MIA2: variants seen among roughly 807,000 people sequenced by gnomAD.
The protein encoded by MIA2 is MIA SH3 domain ER export factor 2, also known as melanoma inhibitory activity protein 2.
In MIA2, 127 loss-of-function variants were observed where a neutral mutation model predicts 167.8. The ratio of observed to expected loss-of-function variants is 0.76; its 90% CI spans 0.66 to 0.88. MIA2 has a LOEUF of 0.88. MIA2 is among the 40% of genes least tolerant of loss of function. The pLI is 0.00. For synonymous variants in MIA2, 552 were observed against 541.9 expected (o/e 1.02, Z -0.26); for missense variants, 1,690 against 1,624.7 (o/e 1.04, Z -0.69).
chr14:39,319,132 G>T, intron 22 of MIA2, 77 bp from the exon 23 acceptor site: 1 of 677,644 alleles, frequency 1.5e-6, no homozygotes, highest in Non-Finnish European at 2.5e-6. Flanking sequence ...AGAGCAGCTT[G>T]TAGTTGGTAG....
At chr14:39,285,482 C>T (rs1464508689) in intron 9 of MIA2, among the ~76,000 whole-genome samples, 1 of 146,846 alleles carries the variant, frequency 6.8e-6, no homozygotes, top group South Asian at 2.1e-4. Flanking sequence ...GCTGACCCCC[C>T]ACCTCCCTCC....
At chr14:39,353,810 C>G (rs138039668), downstream of MIA2, among the ~76,000 whole-genome samples, 1 of 152,014 alleles carries the variant, frequency 6.6e-6, no homozygotes, top group South Asian at 2.1e-4. Flanking sequence ...TGAGAATATG[C>G]GGTGTTTGGT....
chr14:39,277,724 A>T (rs1204846173), intron 7 of MIA2, among the ~76,000 whole-genome samples: 1 of 3,058 alleles, frequency 3.3e-4, no homozygotes, highest in Non-Finnish European at 7.8e-4. Context: ...ATGTGTGTAT[A>T]TATATATATA....
At chr14:39,288,446 TATATATATATATATATA>T (rs1316112543) in intron 9 of MIA2, among the ~76,000 whole-genome samples, 543 of 28,100 alleles carry the variant, frequency 0.019, 65 homozygotes, top group East Asian at 0.027. Context: ...TATATATATA[TATATATATATATATATA>T]TATATATATA....
At chr14:39,240,210 T>G (rs2053977906) in intron 2 of MIA2, among the ~76,000 whole-genome samples, 1 of 152,192 alleles carries the variant, frequency 6.6e-6, no homozygotes, top group African/African-American at 2.4e-5. Flanking sequence ...CCGCCGCCAT[T>G]GCCTTGCCTT....
chr14:39,236,553 T>C (rs902882633), intron 1 of MIA2, among the ~76,000 whole-genome samples: 4 of 152,214 alleles, frequency 2.6e-5, no homozygotes, highest in African/African-American at 9.6e-5. Flanking sequence ...GCCTAGAATA[T>C]AGTAAGTGCC....
At chr14:39,358,294 T>C (rs986472735) in intron 23 of MIA2, among the ~76,000 whole-genome samples, 3 of 152,232 alleles carry the variant, frequency 2.0e-5, no homozygotes, top group Non-Finnish European at 4.4e-5. Flanking sequence ...TCGCTTCATT[T>C]CATTCATTTA....
intron 25 of MIA2, among the ~76,000 whole-genome samples, chr14:39,337,483 C>T (rs2070714608): frequency 6.6e-6 from 1 of 152,164 alleles, no homozygotes; most frequent in African/African-American, 2.4e-5. Context: ...GCAGAATACA[C>T]GTGTTTTTAA....
intron 25 of MIA2, among the ~76,000 whole-genome samples, chr14:39,329,628 G>C (rs2068343516): frequency 6.8e-6 from 1 of 147,558 alleles, no homozygotes. Context: ...TTTGAGATAT[G>C]TTCCATCACT....
rs761583190 is a variant in MIA2 at position 39,350,112 on chromosome 14, C to T, written c.4087C>T (p.Pro1363Ser). Residue 1363 changes from proline to serine, a missense_variant, in exon 29 of 29, where the codon CCA becomes TCA. Pro to Ser is a moderately conservative substitution (Grantham distance 74, BLOSUM62 -1). Transcript: ENST00000640607. ...TCTTTGAACAGTGAGAAATGTCTAT[C>T]CACCGAGGGGTTTTCCTCCTTACCT... The part of the protein sequence containing the change: ...PAPFAMRNVY[P>S]PRGFPPYLPP... The T allele has an allele frequency of 8.3e-6, 11 of 1,332,360 alleles. No homozygotes were observed. The South Asian group carries it at 1.5e-4, about 18-fold the overall frequency. 82.5% of individuals were successfully genotyped at this position (1,332,360 alleles called of 1,614,324 possible). A position where few individuals can be genotyped will look rare whatever the true frequency, so the allele number is the denominator to read the frequency against.
Position 39,308,530 on chromosome 14 carries a change from A to G in MIA2, c.2960A>G (p.Gln987Arg), listed in dbSNP as rs369742552. Reference sequence around the variant, plus strand: ...TTTGAAAATGAGAATCAGAAGCTTCAACAGAAACTTAAAGTAATGACTGAA... The same window carrying G: ...TTTGAAAATGAGAATCAGAAGCTTCGACAGAAACTTAAAGTAATGACTGAA... ...THFENENQKL[Q>R]QKLKVMTELY... The change falls in exon 18 of 29, where the codon CAA (glutamine) becomes CGA (arginine). Residue 987 changes from glutamine to arginine, a missense_variant. Transcript: ENST00000640607. The G allele has an allele frequency of 2.4e-4, 384 of 1,579,660 alleles. No homozygotes were observed. The highest frequency in any genetic ancestry group is 8.4e-4 in the Middle Eastern group (5 of 5,982).
At chr14:39,261,236 G>A (rs367846197) in intron 6 of MIA2, among the ~76,000 whole-genome samples, 178 of 152,074 alleles carry the variant, frequency 1.2e-3, no homozygotes, top group African/African-American at 3.2e-3. Context: ...GAGAATATGC[G>A]GTGTTTGGTT....
chr14:39,307,042 T>C (rs1044376499), intron 17 of MIA2, among the ~76,000 whole-genome samples: 4 of 152,210 alleles, frequency 2.6e-5, no homozygotes, highest in Non-Finnish European at 4.4e-5. Flanking sequence ...TTTTTCTCTC[T>C]GGTCTTGATC....
intron 25 of MIA2, among the ~76,000 whole-genome samples, chr14:39,343,749 G>A (rs950551780): frequency 6.6e-6 from 1 of 152,016 alleles, no homozygotes; most frequent in Non-Finnish European, 1.5e-5. Flanking sequence ...TCTTTAATTG[G>A]TCATATGCTT....
Position 39,364,308 on chromosome 14 carries a change from A to G in MIA2, c.2248+15331A>G, listed in dbSNP as rs550354043. On this transcript the variant is annotated intron_variant, in intron 23 of 23. Coordinates refer to the MIA2 transcript ENST00000341502. ...AAGAGGCAGAAGTTGCAGTGAGCTGATATCATCAACATCATTGTGCCACTG... is the reference window on the plus strand; with the variant it reads ...AAGAGGCAGAAGTTGCAGTGAGCTGGTATCATCAACATCATTGTGCCACTG... Among the ~76,000 whole-genome samples the G allele has an allele frequency of 2.2e-4, 34 of 152,120 alleles. 1 individual carries two copies. The highest frequency in any genetic ancestry group is 6.2e-4 in the South Asian group (3 of 4,816).
intron 25 of MIA2, among the ~76,000 whole-genome samples, chr14:39,345,078 T>G (rs1397237566): frequency 1.3e-5 from 2 of 152,006 alleles, no homozygotes; most frequent in East Asian, 3.9e-4. Context: ...TTATTTTCAT[T>G]TATTTATTTA....
chr14:39,269,074 G>GTTTTTTGT (rs2056604894), intron 6 of MIA2: 1 of 502,178 alleles, frequency 2.0e-6, no homozygotes, highest in African/African-American at 3.1e-5. Context: ...CACCTGCACA[G>GTTTTTTGT]TTTTTTTTTT....
chr14:39,253,842 G>A (rs1189201504), intron 6 of MIA2, among the ~76,000 whole-genome samples: 1 of 152,064 alleles, frequency 6.6e-6, no homozygotes, highest in Non-Finnish European at 1.5e-5. Context: ...TATTGCAAAA[G>A]GACTAGCTGT....
At chr14:39,329,197 T>A (rs538063451) in intron 25 of MIA2, among the ~76,000 whole-genome samples, 2 of 152,276 alleles carry the variant, frequency 1.3e-5, no homozygotes, top group Middle Eastern at 3.4e-3. Flanking sequence ...TTGTAAGTTG[T>A]ATTCCTAGAT....
Sources: allele counts gnomAD v4.1 joint callset (sites outside exome capture counted in the v4.1 genomes callset), GRCh38; gene constraint gnomAD v4.1.1; transcripts MANE v1.5; gene names NCBI Gene and HGNC (gene_info 2026-07-23, HGNC 2026-07-21).